The following GPD2 variants were observed in gnomAD, a reference collection of about 807,000 sequenced individuals.
GPD2 encodes the protein glycerol-3-phosphate dehydrogenase, mitochondrial.
A neutral mutation model predicts 82.4 loss-of-function variants in GPD2; 54 were observed. The observed-to-expected ratio is 0.66, with a 90% CI of 0.53 to 0.82. GPD2 has a LOEUF of 0.82. Among genes scored for constraint, GPD2 ranks in the 40% least tolerant of loss-of-function variants. GPD2 has a pLI of 0.00. For missense variants in GPD2, 748 were observed against 896.2 expected, an observed-to-expected ratio of 0.83 and a Z score of 2.11; for synonymous variants, 288 against 306.1, an observed-to-expected ratio of 0.94 and a Z score of 0.62.
At position 156,470,876 on chromosome 2, in the gene GPD2, C is replaced by A. The variant is rs1158740858; in HGVS notation, c.-8-5222C>A. ...AAGTGGCAAATTTAGTTTTTGTTTG[C>A]TAGCAGTAAGTACATTTTGTTGTGT... is the stretch of plus-strand genomic sequence containing the variant. On this transcript the variant is annotated intron_variant, in intron 1 of 16. Transcript: ENST00000438166. Among the ~76,000 whole-genome samples, 7 of 152,322 alleles carry A rather than the reference C, an allele frequency of 4.6e-5. No individual in the cohort carries two copies. The East Asian group carries it at 1.3e-3, about 29-fold the overall frequency.
At chr2:156,469,453 C>G (rs1264153920) in intron 1 of GPD2, among the ~76,000 whole-genome samples, 1 of 152,234 alleles carries the variant, frequency 6.6e-6, no homozygotes, top group East Asian at 1.9e-4. Context: ...GTGTGAGCCA[C>G]TGTGCCCGGC....
At chr2:156,465,272 TAA>T (rs35511543) in intron 1 of GPD2, among the ~76,000 whole-genome samples, 88,913 of 151,766 alleles carry the variant, frequency 0.59, 26,309 homozygotes, top group East Asian at 0.77. Context: ...GTTTTAATCT[TAA>T]GACAGACATT....
chr2:156,429,275 G>A, the GPD2 span, among the ~76,000 whole-genome samples: 3 of 152,116 alleles, frequency 2.0e-5, no homozygotes, highest in Admixed American at 6.5e-5. Flanking sequence ...TGATAACTAA[G>A]CTTTACTCTG....
chr2:156,516,451 T>A (rs2105279711), intron 6 of GPD2, among the ~76,000 whole-genome samples: 1 of 152,310 alleles, frequency 6.6e-6, no homozygotes, highest in East Asian at 1.9e-4. Flanking sequence ...ATTAATTAAG[T>A]TTTTTGAGAC....
intron 1 of GPD2, among the ~76,000 whole-genome samples, chr2:156,454,391 T>G (rs1483985968): frequency 6.6e-6 from 1 of 152,052 alleles, no homozygotes; most frequent in Non-Finnish European, 1.5e-5. Flanking sequence ...GTGTGGTGTC[T>G]CAGGCCTGTA....
intron 3 of GPD2, among the ~76,000 whole-genome samples, chr2:156,503,401 T>C (rs1478503560): frequency 1.3e-5 from 2 of 152,164 alleles, no homozygotes; most frequent in African/African-American, 4.8e-5. Flanking sequence ...GTCCATTGAG[T>C]TTTAATCTTA....
chr2:156,429,698 A>T, the GPD2 span, among the ~76,000 whole-genome samples: 1 of 152,214 alleles, frequency 6.6e-6, no homozygotes, highest in African/African-American at 2.4e-5. Context: ...CTTTTCAAGG[A>T]TCATATATTT....
At position 156,569,413 on chromosome 2, in the gene GPD2, G is replaced by C; in HGVS notation, c.1351G>C (p.Ala451Pro). The C allele has an allele frequency of 6.2e-7, 1 of 1,611,650 alleles. No individual in the cohort carries two copies. Among genetic ancestry groups the C allele is most frequent in the South Asian group, 1.1e-5 (1 of 91,034 alleles). The change falls in exon 11 of 17, where the codon GCT becomes CCT. Residue 451 changes from alanine to proline, a missense_variant. Coordinates refer to ENST00000438166, the MANE Select transcript of GPD2 (RefSeq NM_000408.5). The stretch of plus-strand genomic sequence containing the variant: ...TATGGCAGAAGATACCATAAATGCT[G>C]CTGTCAAAACTCATAATTTAAAAGC... ...RSMAEDTINA[A>P]VKTHNLKAGP...
chr2:156,427,273 A>G, the GPD2 span, among the ~76,000 whole-genome samples: 2 of 152,196 alleles, frequency 1.3e-5, no homozygotes, highest in African/African-American at 2.4e-5. Context: ...TTGAAAGAGG[A>G]ACTGAGTGGT....
intron 6 of GPD2, among the ~76,000 whole-genome samples, chr2:156,523,354 C>T (rs556120787): frequency 1.3e-5 from 2 of 152,152 alleles, no homozygotes; most frequent in Non-Finnish European, 2.9e-5. Context: ...ATGTCAGCTA[C>T]CATTGATTTT....
intron 1 of GPD2, among the ~76,000 whole-genome samples, chr2:156,469,329 A>AT (rs1036718908): frequency 6.6e-6 from 1 of 151,892 alleles, no homozygotes; most frequent in Non-Finnish European, 1.5e-5. Flanking sequence ...CGCCTGGCTA[A>AT]TTTTTTTGTA....
At chr2:156,510,074 C>A (rs953262897) in intron 3 of GPD2, among the ~76,000 whole-genome samples, 1 of 152,108 alleles carries the variant, frequency 6.6e-6, no homozygotes, top group African/African-American at 2.4e-5. Context: ...TAAGCCACTA[C>A]GCCTGGCAAG....
At chr2:156,439,525 A>C (rs1307120585) in intron 1 of GPD2, among the ~76,000 whole-genome samples, 43 of 103,374 alleles carry the variant, frequency 4.2e-4, no homozygotes, top group African/African-American at 1.6e-3. Flanking sequence ...AAAAAAAAAA[A>C]AAAAAAAAAA....
chr2:156,410,622 C>T, the GPD2 span, among the ~76,000 whole-genome samples: 1 of 152,216 alleles, frequency 6.6e-6, no homozygotes, highest in Non-Finnish European at 1.5e-5. Context: ...CCTCCCGTCT[C>T]ACCTAAATAA....
chr2:156,425,253 C>T, the GPD2 span, among the ~76,000 whole-genome samples: 1 of 152,090 alleles, frequency 6.6e-6, no homozygotes. Flanking sequence ...TGCATACCAC[C>T]AGAACTGGCT....
At chr2:156,436,961 T>TC (rs751209971) in intron 1 of GPD2, among the ~76,000 whole-genome samples, 2 of 152,158 alleles carry the variant, frequency 1.3e-5, no homozygotes, top group Non-Finnish European at 2.9e-5. Context: ...CAGCCTCCAC[T>TC]CCCTATGTAG....
chr2:156,553,764 A>G (rs1686857216), intron 8 of GPD2, among the ~76,000 whole-genome samples: 1 of 152,230 alleles, frequency 6.6e-6, no homozygotes, highest in African/African-American at 2.4e-5. Context: ...TTATACACTT[A>G]GTAACAGAGT....
At chr2:156,488,891 G>A (rs2105226314) in intron 2 of GPD2, among the ~76,000 whole-genome samples, 1 of 152,096 alleles carries the variant, frequency 6.6e-6, no homozygotes, top group East Asian at 1.9e-4. Flanking sequence ...AAATATAATA[G>A]AAATAACATC....
At chr2:156,525,396 C>CAAAT (rs1451576160) in intron 6 of GPD2, among the ~76,000 whole-genome samples, 3 of 152,106 alleles carry the variant, frequency 2.0e-5, no homozygotes, top group Admixed American at 2.0e-4. Context: ...TGGAAGCAGC[C>CAAAT]ATTTCTTCAG....
Sources: gnomAD v4.1 joint callset for allele counts (sites outside exome capture counted in the v4.1 genomes callset) on GRCh38, gnomAD v4.1.1 for gene constraint, MANE v1.5 for transcripts, NCBI Gene and HGNC (gene_info 2026-07-23, HGNC 2026-07-21) for gene names.